YME1L1: variants seen among roughly 807,000 people sequenced by gnomAD.
YME1L1 encodes the protein ATP-dependent zinc metalloprotease YME1L1.
YME1L1 carries 39 observed loss-of-function variants against 90.4 expected under a neutral mutation model. The ratio of observed to expected loss-of-function variants is 0.43; its 90% confidence interval spans 0.33 to 0.56. The LOEUF (loss-of-function observed/expected upper bound fraction) is 0.56, where lower values mean the gene tolerates loss of function less well. Ranked by LOEUF, YME1L1 falls within the 20% of genes least tolerant of loss-of-function variation. YME1L1 has a pLI of 0.03. For missense variants in YME1L1, 617 were observed against 868.4 expected, an observed-to-expected ratio of 0.71 and a Z score of 3.64; for synonymous variants, 284 against 287.3, an observed-to-expected ratio of 0.99 and a Z score of 0.12.
chr10:27,133,903 C>G (rs1285447780), intron 7 of YME1L1, 136 bp downstream of exon 7: 1 of 529,128 alleles, frequency 1.9e-6, no homozygotes, highest in Non-Finnish European at 3.2e-6. Flanking sequence ...AAACTAACCA[C>G]TACTAGGAAT....
rs1220128170 is a variant in YME1L1, at chr10:27,122,893, T to C, written c.1183A>G (p.Met395Val). 8.7e-6 allele frequency: 14 copies of C among 1,613,446 alleles called. No homozygotes were observed. Among genetic ancestry groups the C allele is most frequent in the Non-Finnish European group, 1.1e-5 (13 of 1,179,770 alleles). The change falls in exon 11 of 19, where the codon ATG becomes GTG. Residue 395 changes from methionine (M) to valine (V), a missense_variant. Physicochemically the swap from Met to Val is conservative, Grantham distance 21. This residue lies in a region of YME1L1 where 93 missense variants were observed against 184.8 expected (regional missense o/e 0.50). Coordinates refer to ENST00000376016, the MANE Select transcript of YME1L1 (RefSeq NM_014263.4). ...SVGGKRIESP[M>V]HPYSRQTINQ... The stretch of plus-strand genomic sequence containing the variant: ...ATGGTCTGCCTTGAATATGGATGCA[T>C]TGGAGATTCAATTCTCTTCCCACCA...
intron 9 of YME1L1, among the ~76,000 whole-genome samples, chr10:27,124,457 A>G (rs962234937): frequency 6.6e-6 from 1 of 152,198 alleles, no homozygotes; most frequent in Non-Finnish European, 1.5e-5. Flanking sequence ...ATATGTTTTT[A>G]TAAATATACA....
rs1170604019 is a variant in YME1L1 at position 27,145,479 on chromosome 10, G to A, written c.280C>T (p.His94Tyr). The A allele has an allele frequency of 6.2e-7, 1 of 1,613,276 alleles. No individual in the cohort carries two copies. Among genetic ancestry groups the A allele is most frequent in the Non-Finnish European group, 8.5e-7 (1 of 1,179,582 alleles). The change falls in exon 3 of 19, where the codon CAT becomes TAT. Residue 94 changes from histidine to tyrosine, a missense_variant. Physicochemically the swap from His to Tyr is moderately conservative, Grantham distance 83. This residue lies in a region of YME1L1 where 311 missense variants were observed against 335.8 expected (regional missense o/e 0.93). Coordinates refer to ENST00000376016, the MANE Select transcript of YME1L1 (RefSeq NM_014263.4). ...GCAGAGACATGGGATGTATGCCAAT[G>A]GGAAGAAATGTTTTTGCCTTTACAA... is the stretch of plus-strand genomic sequence containing the variant. ...GFCKGKNISS[H>Y]WHTSHVSAQS...
intron 8 of YME1L1, among the ~76,000 whole-genome samples, chr10:27,128,161 A>G (rs2056939931): frequency 6.6e-6 from 1 of 152,208 alleles, no homozygotes; most frequent in Non-Finnish European, 1.5e-5. Context: ...GGCTATATAT[A>G]TAAGTGTGCC....
chr10:27,111,544 C>A lies in YME1L1; in HGVS notation c.*433G>T, dbSNP rs1442005670. The A allele has an allele frequency of 8.8e-6, 2 of 227,048 alleles. No homozygotes were observed. The highest frequency in any genetic ancestry group is 1.8e-5 in the Non-Finnish European group (2 of 112,948). 14.1% of individuals were successfully genotyped at this position (227,048 alleles called of 1,614,324 possible). A position where few individuals can be genotyped will look rare whatever the true frequency, so the allele number is the denominator to read the frequency against. ...TTTCCGAGACTGCTTTTAATCCCAA[C>A]TTCTCTACATTTAGATTAAAAAATA... On this transcript the variant is annotated 3_prime_UTR_variant, in exon 19 of 19. Coordinates refer to ENST00000376016, the MANE Select transcript of YME1L1 (RefSeq NM_014263.4).
At chr10:27,150,799 A>C (rs1361584176) in intron 1 of YME1L1, among the ~76,000 whole-genome samples, 1 of 152,302 alleles carries the variant, frequency 6.6e-6, no homozygotes, top group African/African-American at 2.4e-5. Context: ...AAATCAAGAA[A>C]TAACTAACTG....
Position 27,112,104 on chromosome 10 carries a change from G to C in YME1L1, c.2024C>G (p.Ala675Gly). 1.9e-6 allele frequency: 3 copies of C among 1,613,524 alleles called. No homozygotes were observed. The highest frequency in any genetic ancestry group is 2.5e-6 in the Non-Finnish European group (3 of 1,179,842). Residue 675 changes from alanine to glycine, a missense_variant, in exon 19 of 19, where the codon GCA (alanine) becomes GGA (glycine). Ala to Gly is a moderately conservative substitution (Grantham distance 60). Coordinates refer to ENST00000376016, the MANE Select transcript of YME1L1 (RefSeq NM_014263.4). ...TGCATGAGTTTTCAAGATATGTTTTGCTCGTTCATATGAGTCCTGAAACAG... is the reference window on the plus strand; with the variant it reads ...TGCATGAGTTTTCAAGATATGTTTTCCTCGTTCATATGAGTCCTGAAACAG... ...RILLRDSYERAKHILKTHAKE... is the reference protein window; with the variant it reads ...RILLRDSYERGKHILKTHAKE...
intron 18 of YME1L1, among the ~76,000 whole-genome samples, chr10:27,112,780 G>A (rs1588578650): frequency 6.7e-6 from 1 of 148,414 alleles, no homozygotes; most frequent in Non-Finnish European, 1.5e-5. Context: ...AACTCACTAC[G>A]GCCTCAACCT....
chr10:27,134,118 G>C lies in YME1L1; in HGVS notation c.696C>G (p.Ser232=). 1 of 1,610,364 alleles carries C rather than the reference G, an allele frequency of 6.2e-7. No individual in the cohort carries two copies. Among genetic ancestry groups the C allele is most frequent in the Non-Finnish European group, 8.5e-7 (1 of 1,178,298 alleles). ...AQALTQKTND[S]LRRTRLILFV... ...AGAGAATCAGACGGGTTCGCCTTAGGGAATCTAGGAGAGAAAGAAAAAGCT... is the reference window on the plus strand; with the variant it reads ...AGAGAATCAGACGGGTTCGCCTTAGCGAATCTAGGAGAGAAAGAAAAAGCT... Residue 232 remains serine, a synonymous_variant, in exon 7 of 19, where the codon TCC becomes TCG. Coordinates refer to ENST00000376016, the MANE Select transcript of YME1L1 (RefSeq NM_014263.4).
chr10:27,153,887 C>A (rs1049584743), intron 1 of YME1L1, among the ~76,000 whole-genome samples: 1 of 152,116 alleles, frequency 6.6e-6, no homozygotes, highest in Non-Finnish European at 1.5e-5. Flanking sequence ...CTGAACAATG[C>A]CGGACGGATT....
intron 4 of YME1L1, among the ~76,000 whole-genome samples, chr10:27,140,841 T>G (rs1471392293): frequency 6.6e-6 from 1 of 152,196 alleles, no homozygotes; most frequent in East Asian, 1.9e-4. Context: ...TTTCTGACAT[T>G]GAGAGAATCT....
intron 1 of YME1L1, among the ~76,000 whole-genome samples, chr10:27,152,074 T>G (rs939557101): frequency 2.6e-5 from 4 of 152,098 alleles, no homozygotes; most frequent in Non-Finnish European, 5.9e-5. Flanking sequence ...AAGCAATGTA[T>G]CATTTTTAGA....
intron 8 of YME1L1, among the ~76,000 whole-genome samples, chr10:27,131,232 C>A (rs1161582022): frequency 1.3e-5 from 2 of 152,178 alleles, no homozygotes; most frequent in African/African-American, 4.8e-5. Flanking sequence ...CACTTTTATT[C>A]TTTTAACATA....
At chr10:27,123,929 A>G (rs2056891825) in intron 9 of YME1L1, among the ~76,000 whole-genome samples, 1 of 152,224 alleles carries the variant, frequency 6.6e-6, no homozygotes, top group African/African-American at 2.4e-5. Flanking sequence ...CATATCAACA[A>G]GAGACATGAC....
Position 27,126,605 on chromosome 10 carries a change from G to A in YME1L1, c.949+91C>T, listed in dbSNP as rs1403956862. On this transcript the variant is annotated intron_variant, in intron 9 of 18. Transcript: ENST00000376016. ...GCAATTAAGACTTAAACTTTAATCAGTTAAAATTAAATAAGTAATATAGGT... is the reference window on the plus strand; with the variant it reads ...GCAATTAAGACTTAAACTTTAATCAATTAAAATTAAATAAGTAATATAGGT... 3 of 655,494 alleles carry A rather than the reference G, an allele frequency of 4.6e-6. No homozygotes were observed. In the African/African-American group the frequency reaches 5.8e-5, roughly 13 times the overall value. The allele number at this position is 655,494 out of a possible 1,614,324, so 40.6% of individuals were successfully genotyped here. A position where few individuals can be genotyped will look rare whatever the true frequency, so the allele number is the denominator to read the frequency against.
intron 18 of YME1L1, among the ~76,000 whole-genome samples, chr10:27,113,682 A>G (rs1473901563): frequency 6.6e-6 from 1 of 151,524 alleles, no homozygotes; most frequent in Non-Finnish European, 1.5e-5. Flanking sequence ...CAAAAAAAAA[A>G]AAAAAAGAAA....
At chr10:27,136,483 G>A in intron 4 of YME1L1, 98 bp from the exon 5 acceptor site, 1 of 953,428 alleles carries the variant, frequency 1.0e-6, no homozygotes, top group Non-Finnish European at 1.6e-6. Context: ...GTATATCCTA[G>A]TCTATCTAAT....
In YME1L1 at chr10:27,114,627, A is replaced by T. The variant is rs2056792976; in HGVS notation, c.1921-20T>A. 3.1e-6 allele frequency: 5 copies of T among 1,597,862 alleles called. No homozygotes were observed. Among genetic ancestry groups the T allele is most frequent in the Middle Eastern group, 1.7e-4 (1 of 6,018 alleles). On this transcript the variant is annotated intron_variant, in intron 17 of 18. Coordinates refer to ENST00000376016, the MANE Select transcript of YME1L1 (RefSeq NM_014263.4). ...TCCAAGCTAAAACCAAAAGGAAGAA[A>T]GTAATTGAACAGAAAACCCCCAAAC...
In YME1L1 at chr10:27,136,390, AT is replaced by A; in HGVS notation, c.431-6del. 6.2e-7 allele frequency: 1 copy of A among 1,601,864 alleles called. No individual in the cohort carries two copies. On this transcript the variant is annotated splice_polypyrimidine_tract_variant and splice_region_variant and intron_variant, in intron 4 of 18. Transcript: ENST00000376016. ...AACCCCGAGACTGTATGAAAACTAA[AT>A]AAAACAATACCATTCACTGTCACTA...
Sources: allele counts gnomAD v4.1 joint callset (sites outside exome capture counted in the v4.1 genomes callset), GRCh38; gene constraint gnomAD v4.1.1; regional missense constraint gnomAD v4.1.1; transcripts MANE v1.5; gene names NCBI Gene and HGNC (gene_info 2026-07-23, HGNC 2026-07-21).